Variants in SMARCA2 observed in about 807,000 individuals in gnomAD.
SMARCA2 encodes SWI/SNF related BAF chromatin remodeling complex subunit ATPase 2, also known as SWI/SNF-related matrix-associated actin-dependent regulator of chromatin subfamily A member 2.
SMARCA2 carries 61 observed loss-of-function variants against 199.8 expected under a neutral mutation model. The ratio of observed to expected loss-of-function variants is 0.31; its 90% CI spans 0.25 to 0.38. The LOEUF is 0.38. SMARCA2 is among the 10% of genes least tolerant of loss of function. The pLI is 1.00. For synonymous variants in SMARCA2, 935 were observed against 732.0 expected (o/e 1.28, Z -4.48); for missense variants, 1,344 against 2,012.2 (o/e 0.67, Z 6.35).
At chr9:2,053,803 A>G (rs55935048) in intron 5 of SMARCA2, among the ~76,000 whole-genome samples, 1,987 of 152,282 alleles carry the variant, frequency 0.013, 35 homozygotes, top group African/African-American at 0.045. Context: ...TCTAACAGTA[A>G]TAGTATCCCA....
At chr9:2,191,514 TG>T (rs1827884002) in intron 33 of SMARCA2, 106 bp downstream of exon 33, 1 of 1,226,942 alleles carries the variant, frequency 8.2e-7, no homozygotes, top group Admixed American at 2.1e-5. Context: ...TACCCAGGAC[TG>T]GAAATGTCAG....
chr9:2,030,890 G>T (rs1586625469), intron 2 of SMARCA2, among the ~76,000 whole-genome samples: 1 of 151,934 alleles, frequency 6.6e-6, no homozygotes, highest in African/African-American at 2.4e-5. Flanking sequence ...AGATCCTTTT[G>T]TTAAAAGTGT....
intron 27 of SMARCA2, 92 bp downstream of exon 27, chr9:2,124,029 A>G: frequency 2.0e-6 from 2 of 1,010,938 alleles, no homozygotes; most frequent in Non-Finnish European, 3.0e-6. Context: ...TTTTCTGAGG[A>G]GGTTGAGTTC....
rs186997593 is a variant in SMARCA2 at position 2,148,865 on chromosome 9, C to T, written c.3982-12821C>T. On this transcript the variant is annotated intron_variant, in intron 27 of 33. Transcript: ENST00000349721. ...GAGCACTTTGTGTTTGTCTCTCCTG[C>T]GCAAATCCTTGACTGTGCTTCAGTT... 9.5e-4 allele frequency among the ~76,000 whole-genome samples: 144 copies of T among 151,510 alleles called. 4 individuals carry two copies. The South Asian group carries it at 0.01, about 11-fold the overall frequency.
intron 19 of SMARCA2, among the ~76,000 whole-genome samples, chr9:2,095,003 C>T (rs1460999376): frequency 3.3e-5 from 5 of 152,066 alleles, no homozygotes; most frequent in African/African-American, 9.7e-5. Context: ...CTTAAATATA[C>T]ACAATATGTA....
intron 29 of SMARCA2, among the ~76,000 whole-genome samples, chr9:2,179,402 A>G (rs1826851881): frequency 6.6e-6 from 1 of 152,214 alleles, no homozygotes; most frequent in South Asian, 2.1e-4. Flanking sequence ...AGAAAGTGGG[A>G]TAGGTATATT....
At chr9:2,121,162 C>G (rs544214612) in intron 26 of SMARCA2, among the ~76,000 whole-genome samples, 1 of 152,158 alleles carries the variant, frequency 6.6e-6, no homozygotes, top group Non-Finnish European at 1.5e-5. Flanking sequence ...TTCAGCAGCC[C>G]TGAAGTAAGG....
chr9:2,079,703 T>C (rs751874472), intron 14 of SMARCA2, among the ~76,000 whole-genome samples: 1 of 152,246 alleles, frequency 6.6e-6, no homozygotes, highest in Non-Finnish European at 1.5e-5. Context: ...GTCATAGTCC[T>C]GAGATCCAAA....
chr9:2,056,830 C>T lies in SMARCA2; in HGVS notation c.1332C>T (p.Arg444=). Residue 444 remains arginine (R), a synonymous_variant, in exon 7 of 34, where the codon CGC becomes CGT. Coordinates refer to ENST00000349721, the MANE Select transcript of SMARCA2 (RefSeq NM_003070.5). The surrounding 1 kb of genome is among the most constrained non-coding windows in gnomAD (Gnocchi z 4.0). ...KQQKIEQERK[R]RQKHQEYLNS... ...AGAAGATTGAGCAGGAGAGGAAACG[C>T]CGTCAGAAACACCAGGTTCTTAGAC... The T allele has an allele frequency of 6.2e-7, 1 of 1,613,636 alleles. No homozygotes were observed. Among genetic ancestry groups the T allele is most frequent in the Non-Finnish European group, 8.5e-7 (1 of 1,179,820 alleles).
chr9:2,031,649 C>T (rs1052256627), intron 2 of SMARCA2, among the ~76,000 whole-genome samples: 1 of 152,076 alleles, frequency 6.6e-6, no homozygotes, highest in African/African-American at 2.4e-5. Context: ...TCTCTCTACC[C>T]TCTTAAATAC....
intron 1 of SMARCA2, among the ~76,000 whole-genome samples, chr9:2,020,189 A>G (rs1223230119): frequency 6.6e-6 from 1 of 152,222 alleles, no homozygotes; most frequent in Non-Finnish European, 1.5e-5. Context: ...TTTCCCTAGT[A>G]TGAAAGCCAC....
intron 27 of SMARCA2, chr9:2,160,024 G>A: frequency 7.0e-7 from 1 of 1,419,876 alleles, no homozygotes; most frequent in Non-Finnish European, 9.6e-7. Flanking sequence ...GTGCAACTGG[G>A]TGCTTGAGGA....
chr9:2,144,177 C>A (rs1824603566), intron 27 of SMARCA2, among the ~76,000 whole-genome samples: 2 of 152,110 alleles, frequency 1.3e-5, no homozygotes, highest in African/African-American at 4.8e-5. Context: ...TTGAATGAGC[C>A]CAAGAGGCAG....
At chr9:2,043,070 G>T (rs965509641) in intron 4 of SMARCA2, 3 of 151,926 alleles carry the variant, frequency 2.0e-5, no homozygotes, top group South Asian at 2.1e-4. Flanking sequence ...TCTATTTATT[G>T]TTTATCTCCT....
At chr9:2,075,809 C>T (rs1451305572) in intron 12 of SMARCA2, among the ~76,000 whole-genome samples, 2 of 152,208 alleles carry the variant, frequency 1.3e-5, no homozygotes, top group African/African-American at 4.8e-5. Context: ...AGGCATGAGC[C>T]ACTGCACCCA....
intron 27 of SMARCA2, among the ~76,000 whole-genome samples, chr9:2,152,501 T>C (rs183967014): frequency 2.0e-3 from 301 of 152,088 alleles, no homozygotes; most frequent in Admixed American, 0.017. Flanking sequence ...TGCAGTGAGC[T>C]GAGATTGTAC....
intron 17 of SMARCA2, among the ~76,000 whole-genome samples, chr9:2,084,586 A>G (rs902173116): frequency 1.3e-5 from 2 of 152,136 alleles, no homozygotes; most frequent in African/African-American, 2.4e-5. Context: ...TTGTCAGTGT[A>G]CCTTCATTCT....
At chr9:2,136,062 G>A (rs775373797) in intron 27 of SMARCA2, among the ~76,000 whole-genome samples, 37 of 150,912 alleles carry the variant, frequency 2.5e-4, no homozygotes, top group Non-Finnish European at 4.1e-4. Flanking sequence ...GGCTGGTCTC[G>A]AACTCCTGAT....
intron 1 of SMARCA2, chr9:2,015,863 G>C (rs1178607953): frequency 1.3e-5 from 2 of 152,332 alleles, no homozygotes; most frequent in African/African-American, 4.8e-5. Flanking sequence ...GTGAGGCGGC[G>C]GGGAGGGGGG....
Sources: allele counts gnomAD v4.1 joint callset (sites outside exome capture counted in the v4.1 genomes callset), GRCh38; gene constraint gnomAD v4.1.1; non-coding constraint Gnocchi (gnomAD v3.1); transcripts MANE v1.5; gene names NCBI Gene and HGNC (gene_info 2026-07-23, HGNC 2026-07-21).